AGBL4: variants seen among roughly 807,000 people sequenced by gnomAD.
The protein encoded by AGBL4 is AGBL carboxypeptidase 4.
In AGBL4, 58 loss-of-function variants were observed where a neutral mutation model predicts 66.4. The ratio of observed to expected loss-of-function variants is 0.87; its 90% CI spans 0.71 to 1.09. AGBL4 has a LOEUF of 1.09. Among genes scored for constraint, AGBL4 ranks in the 50% least tolerant of loss-of-function variants. AGBL4 has a pLI of 0.00. For synonymous variants in AGBL4, 234 were observed against 222.9 expected (o/e 1.05, Z -0.44); for missense variants, 579 against 631.0 (o/e 0.92, Z 0.88).
chr1:49,174,686 C>T (rs2148171899), intron 4 of AGBL4: 1 of 152,230 alleles, frequency 6.6e-6, no homozygotes, highest in South Asian at 2.1e-4. Flanking sequence ...TTTCAGCTAC[C>T]TTTGACTGAC....
chr1:48,826,764 C>A (rs1646434775), intron 6 of AGBL4, among the ~76,000 whole-genome samples: 1 of 152,182 alleles, frequency 6.6e-6, no homozygotes, highest in Admixed American at 6.5e-5. Context: ...TTGAGCCCAA[C>A]CTTCTGAACC....
rs184500125 is a variant in AGBL4 at position 49,559,567 on chromosome 1, G to C, written c.282+137746C>G. Among the ~76,000 whole-genome samples the C allele has an allele frequency of 2.5e-3, 384 of 152,284 alleles. 1 individual carries two copies. The highest frequency in any genetic ancestry group is 8.8e-3 in the African/African-American group (365 of 41,566). On this transcript the variant is annotated intron_variant, in intron 3 of 13. Coordinates refer to ENST00000371839, the MANE Select transcript of AGBL4 (RefSeq NM_032785.4). ...GTGGAAACCATCCAATTGGCTGCCAGCACAGCTAGAAAAAGCAGGTGGAAG... is the reference window on the plus strand; with the variant it reads ...GTGGAAACCATCCAATTGGCTGCCACCACAGCTAGAAAAAGCAGGTGGAAG...
At chr1:49,222,997 C>G (rs536262634) in intron 4 of AGBL4, among the ~76,000 whole-genome samples, 5 of 152,024 alleles carry the variant, frequency 3.3e-5, no homozygotes, top group Non-Finnish European at 7.4e-5. Context: ...CATCCCATAT[C>G]CATGTGGAGA....
chr1:49,800,249 CATGATTTCATGATTATGTTACAA>C (rs1322511090), intron 2 of AGBL4, among the ~76,000 whole-genome samples: 1 of 152,086 alleles, frequency 6.6e-6, no homozygotes, highest in Non-Finnish European at 1.5e-5. Context: ...ATTACAAGTA[CATGATTTCATGATTATGTTACAA>C]ATCTCACTTT....
At chr1:49,525,467 T>C (rs776289052) in intron 3 of AGBL4, among the ~76,000 whole-genome samples, 1 of 151,984 alleles carries the variant, frequency 6.6e-6, no homozygotes, top group Non-Finnish European at 1.5e-5. Context: ...AGTAATGAGC[T>C]TGGTGAGCCT....
chr1:49,082,822 C>G (rs1214250187), intron 4 of AGBL4, among the ~76,000 whole-genome samples: 1 of 152,230 alleles, frequency 6.6e-6, no homozygotes. Context: ...AGGCAAGTCC[C>G]TTCCACCTAT....
chr1:49,099,931 G>A (rs1012157516), intron 4 of AGBL4, among the ~76,000 whole-genome samples: 3 of 152,154 alleles, frequency 2.0e-5, no homozygotes, highest in African/African-American at 7.2e-5. Flanking sequence ...ATGCACACAA[G>A]CATTCATTCT....
chr1:49,150,129 G>A (rs1302909574), intron 4 of AGBL4, among the ~76,000 whole-genome samples: 2 of 152,060 alleles, frequency 1.3e-5, no homozygotes, highest in South Asian at 2.1e-4. Context: ...AGCCCTGCAC[G>A]CCTTAGGGGT....
chr1:49,701,275 G>C (rs969948796), intron 2 of AGBL4, among the ~76,000 whole-genome samples: 5 of 151,444 alleles, frequency 3.3e-5, no homozygotes, highest in African/African-American at 4.9e-5. Context: ...CTGGGTAACA[G>C]AGTGAGACTC....
intron 3 of AGBL4, among the ~76,000 whole-genome samples, chr1:49,403,825 C>T (rs1436106819): frequency 6.6e-6 from 1 of 152,076 alleles, no homozygotes; most frequent in African/African-American, 2.4e-5. Context: ...CTTTCAATTT[C>T]TCACCTCTAC....
chr1:49,465,168 T>C (rs1022347845), intron 3 of AGBL4, among the ~76,000 whole-genome samples: 5 of 146,454 alleles, frequency 3.4e-5, no homozygotes, highest in Non-Finnish European at 7.5e-5. Context: ...AGGGAAACAA[T>C]AATCTCCCAA....
At chr1:49,380,423 G>A (rs1187739741) in intron 3 of AGBL4, among the ~76,000 whole-genome samples, 1 of 152,152 alleles carries the variant, frequency 6.6e-6, no homozygotes, top group Non-Finnish European at 1.5e-5. Flanking sequence ...TACTGCCCAA[G>A]ATAATTTATA....
chr1:49,189,262 C>T (rs1285562054), intron 4 of AGBL4, among the ~76,000 whole-genome samples: 1 of 152,138 alleles, frequency 6.6e-6, no homozygotes, highest in Non-Finnish European at 1.5e-5. Context: ...TAATCTTTCT[C>T]CTCTTATAGT....
intron 6 of AGBL4, chr1:48,758,833 C>T: frequency 1.4e-6 from 2 of 1,382,350 alleles, no homozygotes; most frequent in Non-Finnish European, 1.9e-6. Context: ...CTTTCCCTTC[C>T]TGGAAGAGGA....
At position 49,513,501 on chromosome 1, in the gene AGBL4, G is replaced by A. The variant is rs535952109; in HGVS notation, c.282+183812C>T. The stretch of plus-strand genomic sequence containing the variant: ...CTCAGTGTTTAGCTCTAATTTATAA[G>A]TGAGAACATGTTTGGTTTTCTGTTC... On this transcript the variant is annotated intron_variant, in intron 3 of 13. Coordinates refer to ENST00000371839, the MANE Select transcript of AGBL4 (RefSeq NM_032785.4). Among the ~76,000 whole-genome samples, 169 of 152,038 alleles carry A rather than the reference G, an allele frequency of 1.1e-3. 1 individual carries two copies. In the South Asian group the frequency reaches 0.014, roughly 13 times the overall value.
chr1:49,496,851 C>T (rs990921194), intron 3 of AGBL4, among the ~76,000 whole-genome samples: 9 of 150,656 alleles, frequency 6.0e-5, no homozygotes, highest in African/African-American at 2.2e-4. Context: ...GATATCTCCC[C>T]AACATGTTGA....
intron 2 of AGBL4, among the ~76,000 whole-genome samples, chr1:49,795,054 A>T (rs1644696598): frequency 6.6e-6 from 1 of 151,980 alleles, no homozygotes; most frequent in Non-Finnish European, 1.5e-5. Context: ...ATAGGGAAAT[A>T]AAAAAGGGAA....
chr1:49,679,907 A>G (rs1335174439), intron 3 of AGBL4, among the ~76,000 whole-genome samples: 2 of 152,102 alleles, frequency 1.3e-5, no homozygotes, highest in African/African-American at 4.8e-5. Flanking sequence ...TATTTTCTCT[A>G]CATGCATTGA....
intron 1 of AGBL4, among the ~76,000 whole-genome samples, chr1:49,856,564 C>T (rs997221801): frequency 5.9e-5 from 9 of 151,874 alleles, no homozygotes; most frequent in South Asian, 2.1e-4. Flanking sequence ...GATACAAGGA[C>T]GGTTCAACAT....
Sources: gnomAD v4.1 joint callset for allele counts (sites outside exome capture counted in the v4.1 genomes callset) on GRCh38, gnomAD v4.1.1 for gene constraint, MANE v1.5 for transcripts, NCBI Gene and HGNC (gene_info 2026-07-23, HGNC 2026-07-21) for gene names.